The following OAT variants were observed in gnomAD, a reference collection of about 807,000 sequenced individuals.
The protein encoded by OAT is ornithine aminotransferase, mitochondrial.
Under a neutral mutation model 48.4 loss-of-function variants are expected in OAT, and 35 were observed. The ratio of observed to expected loss-of-function variants is 0.72; its 90% CI spans 0.55 to 0.96. OAT has a LOEUF of 0.96. OAT is among the 40% of genes least tolerant of loss of function. The pLI is 0.00. For synonymous variants in OAT, 182 were observed against 198.4 expected (o/e 0.92, Z 0.70); for missense variants, 438 against 537.9 (o/e 0.81, Z 1.84).
At chr10:124,408,683 A>G in intron 3 of OAT, 46 bp from the exon 4 acceptor site, 8 of 1,583,292 alleles carry the variant, frequency 5.1e-6, no homozygotes, top group Non-Finnish European at 6.1e-6. Flanking sequence ...ATGTTAAACT[A>G]TCAAAAAATA....
At chr10:124,406,704 T>C (rs771748277) in intron 4 of OAT, among the ~76,000 whole-genome samples, 5 of 144,682 alleles carry the variant, frequency 3.5e-5, no homozygotes, top group Non-Finnish European at 7.4e-5. Flanking sequence ...TAATCCCAGC[T>C]ACACAGGAGG....
At chr10:124,400,710 ACGG>A in intron 9 of OAT, 127 bp downstream of exon 9, 1 of 679,570 alleles carries the variant, frequency 1.5e-6, no homozygotes, top group Non-Finnish European at 2.4e-6. Flanking sequence ...AGATTGCGCC[ACGG>A]CACTGCAGCC....
intron 4 of OAT, chr10:124,405,959 A>C: frequency 8.9e-7 from 1 of 1,120,414 alleles, no homozygotes. Context: ...AATATCCTTC[A>C]TAGACAATTA....
chr10:124,399,102 G>A (rs1486893805), intron 9 of OAT, among the ~76,000 whole-genome samples: 1 of 151,838 alleles, frequency 6.6e-6, no homozygotes, highest in Non-Finnish European at 1.5e-5. Flanking sequence ...TGATACAGAT[G>A]ATTAACTGAC....
rs200933293 is a variant in OAT at position 124,404,413 on chromosome 10, G to A, written c.649-493C>T. Among the ~76,000 whole-genome samples the A allele has an allele frequency of 2.6e-5, 4 of 151,678 alleles. No individual in the cohort carries two copies. In the South Asian group the frequency reaches 6.3e-4, roughly 24 times the overall value. ...CTCCCAAGTAGCTGGGATTACAGGC[G>A]CACAGCACCACGCCCAGCTAATTTT... On this transcript the variant is annotated intron_variant, in intron 5 of 9. Coordinates refer to ENST00000368845, the MANE Select transcript of OAT (RefSeq NM_000274.4).
chr10:124,407,529 A>G, intron 4 of OAT: 1 of 861,614 alleles, frequency 1.2e-6, no homozygotes, highest in South Asian at 5.4e-5. Flanking sequence ...TTTTGCTAAG[A>G]TTTCTTCTTT....
chr10:124,401,774 T>C lies in OAT; in HGVS notation c.966A>G (p.Thr322=), dbSNP rs1951417723. 6.2e-7 allele frequency: 1 copy of C among 1,613,290 alleles called. No homozygotes were observed. Among genetic ancestry groups the C allele is most frequent in the South Asian group, 1.1e-5 (1 of 91,084 alleles). Residue 322 remains threonine (T), a synonymous_variant, in exon 8 of 10, where the codon ACA becomes ACG. Coordinates refer to ENST00000368845, the MANE Select transcript of OAT (RefSeq NM_000274.4). ...LTIKPGEHGS[T]YGGNPLGCRV... ...GGCAGCCTAGTGGATTGCCACCGTATGTGGACCCATGCTCCCCTGGCTTAA... is the reference window on the plus strand; with the variant it reads ...GGCAGCCTAGTGGATTGCCACCGTACGTGGACCCATGCTCCCCTGGCTTAA...
chr10:124,400,013 T>C (rs1951355294), intron 9 of OAT, among the ~76,000 whole-genome samples: 1 of 152,216 alleles, frequency 6.6e-6, no homozygotes, highest in South Asian at 2.1e-4. Context: ...AAGGGTCAAA[T>C]TGGTTAAATG....
chr10:124,412,176 T>C lies in OAT; in HGVS notation c.-5A>G. 6.2e-7 allele frequency: 1 copy of C among 1,613,000 alleles called. No homozygotes were observed. The highest frequency in any genetic ancestry group is 8.5e-7 in the Non-Finnish European group (1 of 1,179,706). On this transcript the variant is annotated 5_prime_UTR_variant, in exon 2 of 10. Transcript: ENST00000368845. Reference sequence around the variant, plus strand: ...ATGTGCTAGTTTGGAAAACATTGTGTCCTTCAAGTAGAAAAACCACAGATC... The same window carrying C: ...ATGTGCTAGTTTGGAAAACATTGTGCCCTTCAAGTAGAAAAACCACAGATC...
intron 9 of OAT, among the ~76,000 whole-genome samples, chr10:124,399,335 A>ATTTTTTTTTTT (rs1427092729): frequency 1.0e-5 from 1 of 100,376 alleles, no homozygotes; most frequent in African/African-American, 3.6e-5. Context: ...TCCCCAGGTG[A>ATTTTTTTTTTT]TTCTTTTTTT....
chr10:124,405,498 C>T lies in OAT; in HGVS notation c.586G>A (p.Gly196Ser). ...SSSTDPTSYD[G>S]FGPFMPGFDI... ...AATCCCGGCATAAATGGTCCAAAAC[C>T]ATCGTAACTGGTTGGGTCTGTGGAA... The change falls in exon 5 of 10, where the codon GGT (glycine) becomes AGT (serine). Residue 196 changes from glycine (G) to serine (S), a missense_variant. Coordinates refer to ENST00000368845, the MANE Select transcript of OAT (RefSeq NM_000274.4). 1.9e-6 allele frequency: 3 copies of T among 1,614,110 alleles called. No homozygotes were observed. Among genetic ancestry groups the T allele is most frequent in the East Asian group, 2.2e-5 (1 of 44,880 alleles).
At chr10:124,407,529 AT>A (rs1212940985) in intron 4 of OAT, 1 of 861,496 alleles carries the variant, frequency 1.2e-6, no homozygotes, top group Non-Finnish European at 1.4e-6. Context: ...TTTTGCTAAG[AT>A]TTCTTCTTTG....
At chr10:124,403,698 TCAG>T (rs1951485526) in intron 6 of OAT, 97 bp downstream of exon 6, 1 of 1,494,868 alleles carries the variant, frequency 6.7e-7, no homozygotes, top group Admixed American at 1.7e-5. Flanking sequence ...ATTTATCCAA[TCAG>T]CAGAATTCAG....
At chr10:124,402,540 C>T (rs1416302938) in intron 7 of OAT, among the ~76,000 whole-genome samples, 3 of 152,152 alleles carry the variant, frequency 2.0e-5, no homozygotes, top group Non-Finnish European at 4.4e-5. Flanking sequence ...AAAGGCAAAC[C>T]CAAGACATGA....
intron 9 of OAT, among the ~76,000 whole-genome samples, chr10:124,399,042 A>G (rs1261071607): frequency 6.6e-6 from 1 of 151,558 alleles, no homozygotes; most frequent in Non-Finnish European, 1.5e-5. Context: ...CAAAAAATAA[A>G]ATAAATAAAA....
chr10:124,397,934 G>C lies in OAT; in HGVS notation c.*8C>G. 1 of 1,613,648 alleles carries C rather than the reference G, an allele frequency of 6.2e-7. No individual in the cohort carries two copies. The highest frequency in any genetic ancestry group is 8.5e-7 in the Non-Finnish European group (1 of 1,179,834). ...CTCCCAGGGACCACTGAAAACAGCT[G>C]GCTACCCTCAGAAAGACAAGATGGT... On this transcript the variant is annotated 3_prime_UTR_variant, in exon 10 of 10. Transcript: ENST00000368845.
chr10:124,401,497 C>T (rs573762809), intron 8 of OAT, among the ~76,000 whole-genome samples: 2 of 152,192 alleles, frequency 1.3e-5, no homozygotes, highest in Non-Finnish European at 2.9e-5. Context: ...GAACTCAAAG[C>T]GCCAGGTGAC....
chr10:124,405,835 T>G, intron 4 of OAT: 1 of 1,239,840 alleles, frequency 8.1e-7, no homozygotes, highest in South Asian at 1.6e-5. Flanking sequence ...CCCCTGAAGA[T>G]AGATAACTTA....
intron 1 of OAT, 77 bp from the exon 2 acceptor site, chr10:124,412,277 G>A (rs1435454841): frequency 1.7e-5 from 19 of 1,135,634 alleles, no homozygotes; most frequent in Non-Finnish European, 2.2e-5. Context: ...TTGGGAGGCT[G>A]AGGTCAAAGG....
Sources: gnomAD v4.1 joint callset for allele counts (sites outside exome capture counted in the v4.1 genomes callset) on GRCh38, gnomAD v4.1.1 for gene constraint, MANE v1.5 for transcripts, NCBI Gene and HGNC (gene_info 2026-07-23, HGNC 2026-07-21) for gene names.